CNTNAP5: variants seen among roughly 807,000 people sequenced by gnomAD.
CNTNAP5 encodes contactin associated protein family member 5.
Under a neutral mutation model 150.2 loss-of-function variants are expected in CNTNAP5, and 72 were observed. That is an observed-to-expected ratio of 0.48 (90% CI 0.40 to 0.58). The LOEUF (loss-of-function observed/expected upper bound fraction) is 0.58. CNTNAP5 is among the 20% of genes least tolerant of loss of function. The pLI is 0.00. For synonymous variants in CNTNAP5, 672 were observed against 619.8 expected (o/e 1.08, Z -1.25); for missense variants, 1,636 against 1,626.2 (o/e 1.01, Z -0.10).
chr2:124,912,102 C>T (rs1670733051), intron 23 of CNTNAP5, among the ~76,000 whole-genome samples: 1 of 152,010 alleles, frequency 6.6e-6, no homozygotes. Flanking sequence ...GCCTGTTGGC[C>T]TCCCCACTTT....
intron 1 of CNTNAP5, among the ~76,000 whole-genome samples, chr2:124,135,616 C>T (rs1573780342): frequency 1.3e-5 from 2 of 152,208 alleles, no homozygotes; most frequent in African/African-American, 4.8e-5. Context: ...TCTGCCTCCC[C>T]TTGTGGAGTC....
chr2:124,436,024 T>G (rs546247982), intron 5 of CNTNAP5, among the ~76,000 whole-genome samples: 1 of 152,204 alleles, frequency 6.6e-6, no homozygotes, highest in African/African-American at 2.4e-5. Context: ...TTCTGAATGT[T>G]GGGCGTCCAA....
At chr2:124,741,097 A>C (rs1361826214) in intron 13 of CNTNAP5, among the ~76,000 whole-genome samples, 1 of 152,214 alleles carries the variant, frequency 6.6e-6, no homozygotes, top group Non-Finnish European at 1.5e-5. Flanking sequence ...ACATTGTATG[A>C]ATAAAAGAAA....
chr2:124,819,092 C>G (rs1227194793), intron 19 of CNTNAP5, among the ~76,000 whole-genome samples: 1 of 152,048 alleles, frequency 6.6e-6, no homozygotes, highest in African/African-American at 2.4e-5. Flanking sequence ...CATGCCATCT[C>G]CAAATCAGCC....
chr2:124,290,285 A>G (rs1021923367), intron 3 of CNTNAP5, among the ~76,000 whole-genome samples: 1 of 152,176 alleles, frequency 6.6e-6, no homozygotes, highest in African/African-American at 2.4e-5. Flanking sequence ...TGTTTTCCCC[A>G]GTGCTTTGAG....
At chr2:124,340,850 T>TAC (rs535439353) in intron 3 of CNTNAP5, among the ~76,000 whole-genome samples, 1 of 148,264 alleles carries the variant, frequency 6.7e-6, no homozygotes, top group Non-Finnish European at 1.5e-5. Flanking sequence ...TGTATATATG[T>TAC]ACACACACAC....
intron 6 of CNTNAP5, among the ~76,000 whole-genome samples, chr2:124,463,470 T>C (rs1693301102): frequency 1.3e-5 from 2 of 152,100 alleles, no homozygotes; most frequent in South Asian, 2.1e-4. Flanking sequence ...TGATGGTAGT[T>C]TGAGAATATA....
chr2:124,233,349 C>G (rs897002795), intron 2 of CNTNAP5, among the ~76,000 whole-genome samples: 1 of 152,136 alleles, frequency 6.6e-6, no homozygotes, highest in Non-Finnish European at 1.5e-5. Flanking sequence ...TCTAGACTCA[C>G]ACCAACCTAC....
At position 124,745,063 on chromosome 2, in the gene CNTNAP5, G is replaced by T. The variant is rs962017723; in HGVS notation, c.2078-2166G>T. Among the ~76,000 whole-genome samples, 6 of 151,986 alleles carry T rather than the reference G, an allele frequency of 3.9e-5. 1 individual carries two copies. The highest frequency in any genetic ancestry group is 1.5e-4 in the African/African-American group (6 of 41,294). On this transcript the variant is annotated intron_variant, in intron 13 of 23. Coordinates refer to ENST00000682447, the MANE Select transcript of CNTNAP5 (RefSeq NM_001367498.1). ...GAGGGAGGCACTAAGAGGCCAAAGCGGTGCAAGATGTTGATGGATTCAAAA... is the reference window on the plus strand; with the variant it reads ...GAGGGAGGCACTAAGAGGCCAAAGCTGTGCAAGATGTTGATGGATTCAAAA...
chr2:124,098,998 A>G (rs149917412), intron 1 of CNTNAP5, among the ~76,000 whole-genome samples: 2 of 152,292 alleles, frequency 1.3e-5, no homozygotes, highest in African/African-American at 4.8e-5. Flanking sequence ...ATTACTGTCA[A>G]TGTCTCCCTA....
chr2:124,779,198 C>T (rs371398109), intron 17 of CNTNAP5, among the ~76,000 whole-genome samples: 1 of 152,202 alleles, frequency 6.6e-6, no homozygotes, highest in African/African-American at 2.4e-5. Flanking sequence ...AGGTCATGTC[C>T]TTTCCAGGGG....
At position 124,860,449 on chromosome 2, in the gene CNTNAP5, TTCTTTCCTTCCTTCC is replaced by T. The variant is rs1558803807; in HGVS notation, c.3218-4855_3218-4841del. Among the ~76,000 whole-genome samples, 883 of 109,676 alleles carry T rather than the reference TTCTTTCCTTCCTTCC, an allele frequency of 8.1e-3. 37 individuals carry two copies. The highest frequency in any genetic ancestry group is 0.025 in the Middle Eastern group (6 of 244). 72.0% of individuals were successfully genotyped at this position (109,676 alleles called of 152,430 possible). A position where few individuals can be genotyped will look rare whatever the true frequency, so the allele number is the denominator to read the frequency against. On this transcript the variant is annotated intron_variant, in intron 19 of 23. Transcript: ENST00000682447. ...CTTCCTTCCTTCCTTCCTTCCTTCC[TTCTTTCCTTCCTTCC>T]TTCCTTCCTTCCTTCCTTCCTTCCT...
In CNTNAP5 at chr2:124,702,990, A is replaced by C. The variant is rs115837540; in HGVS notation, c.2078-44239A>C. Among the ~76,000 whole-genome samples, 1,021 of 152,294 alleles carry C rather than the reference A, an allele frequency of 6.7e-3. 13 individuals carry two copies. Among genetic ancestry groups the C allele is most frequent in the African/African-American group, 0.024 (987 of 41,558 alleles). ...GAACAGATGTTTACTTTATAATGTT[A>C]AATGTGCCAGCTGTTCTCATGTCAG... On this transcript the variant is annotated intron_variant, in intron 13 of 23. Transcript: ENST00000682447.
intron 13 of CNTNAP5, among the ~76,000 whole-genome samples, chr2:124,704,049 T>C (rs1383368544): frequency 1.3e-5 from 2 of 152,230 alleles, no homozygotes; most frequent in Non-Finnish European, 2.9e-5. Context: ...CCTATTAGGC[T>C]TTTTATTTTT....
At chr2:124,311,330 GC>G (rs1371469213) in intron 3 of CNTNAP5, among the ~76,000 whole-genome samples, 1 of 152,136 alleles carries the variant, frequency 6.6e-6, no homozygotes, top group Non-Finnish European at 1.5e-5. Flanking sequence ...TTCGAGTGAG[GC>G]CTCTCTTTCT....
At chr2:124,603,761 G>GTAGA (rs1012178568) in intron 11 of CNTNAP5, among the ~76,000 whole-genome samples, 1 of 152,010 alleles carries the variant, frequency 6.6e-6, no homozygotes, top group Non-Finnish European at 1.5e-5. Flanking sequence ...TGCTACGTAG[G>GTAGA]TAGATAGATA....
Position 124,477,728 on chromosome 2 carries a change from T to C in CNTNAP5, c.1062+2846T>C, listed in dbSNP as rs146570684. 2.3e-3 allele frequency among the ~76,000 whole-genome samples: 354 copies of C among 152,050 alleles called. 2 individuals are homozygous for C. The highest frequency in any genetic ancestry group is 8.1e-3 in the African/African-American group (335 of 41,450). On this transcript the variant is annotated intron_variant, in intron 7 of 23. Coordinates refer to ENST00000682447, the MANE Select transcript of CNTNAP5 (RefSeq NM_001367498.1). ...GGAAAGCACACTCATTCCTATCCCTTTCCCAATAATGTTTCAAGAAATATT... is the reference window on the plus strand; with the variant it reads ...GGAAAGCACACTCATTCCTATCCCTCTCCCAATAATGTTTCAAGAAATATT...
At chr2:124,117,068 G>A (rs17010871) in intron 1 of CNTNAP5, among the ~76,000 whole-genome samples, 4,243 of 152,280 alleles carry the variant, frequency 0.028, 200 homozygotes, top group African/African-American at 0.09. Flanking sequence ...TCCTAACAGA[G>A]TAGCACACAC....
intron 11 of CNTNAP5, among the ~76,000 whole-genome samples, chr2:124,599,458 G>C (rs180695958): frequency 6.6e-6 from 1 of 151,968 alleles, no homozygotes; most frequent in Non-Finnish European, 1.5e-5. Context: ...ATTTAGTTCT[G>C]TTTGCTGACA....
Sources: allele counts gnomAD v4.1 joint callset (sites outside exome capture counted in the v4.1 genomes callset), GRCh38; gene constraint gnomAD v4.1.1; transcripts MANE v1.5; gene names NCBI Gene and HGNC (gene_info 2026-07-23, HGNC 2026-07-21).